Variants in SEC62 observed in about 807,000 individuals in gnomAD.
The protein encoded by SEC62 is SEC62 preprotein translocation factor.
SEC62 carries 10 observed loss-of-function variants against 47.5 expected under a neutral mutation model. The ratio of observed to expected loss-of-function variants is 0.21; its 90% CI spans 0.13 to 0.36. The LOEUF (loss-of-function observed/expected upper bound fraction) is 0.36. SEC62 is among the 10% of genes least tolerant of loss of function. SEC62 has a pLI of 1.00. For synonymous variants in SEC62, 136 were observed against 150.5 expected (o/e 0.90, Z 0.71); for missense variants, 327 against 464.1 (o/e 0.70, Z 2.71).
Position 169,997,504 on chromosome 3 carries a change from C to T in SEC62, c.*4441C>T, listed in dbSNP as rs1715410048. On this transcript the variant is annotated 3_prime_UTR_variant, in exon 8 of 8. Transcript: ENST00000337002. Reference sequence around the variant, plus strand: ...TGTTTGAGATGGAGTCTCACTCTGTCACCCAGGCTGGAGTGCAGTGGCGAA... The same window carrying T: ...TGTTTGAGATGGAGTCTCACTCTGTTACCCAGGCTGGAGTGCAGTGGCGAA... The T allele has an allele frequency of 6.6e-6, 1 of 152,280 alleles. No homozygotes were observed. The highest frequency in any genetic ancestry group is 1.5e-5 in the Non-Finnish European group (1 of 68,214). 9.4% of individuals were successfully genotyped at this position (152,280 alleles called of 1,614,324 possible).
rs1715400455 is a variant in SEC62 at position 169,997,317 on chromosome 3, T to G, written c.*4254T>G. ...TTAGGATTGTCCAAAAGGCCTATGA[T>G]CTCTTCTTAGCATGACAGAAAGAGG... On this transcript the variant is annotated 3_prime_UTR_variant, in exon 8 of 8. Transcript: ENST00000337002. 1.3e-5 allele frequency: 2 copies of G among 152,220 alleles called. No individual in the cohort carries two copies. The allele number at this position is 152,220 out of a possible 1,614,324, so 9.4% of individuals were successfully genotyped here. A position where few individuals can be genotyped will look rare whatever the true frequency, so the allele number is the denominator to read the frequency against.
At chr3:169,980,562 G>C (rs1714947789) in intron 3 of SEC62, among the ~76,000 whole-genome samples, 1 of 152,202 alleles carries the variant, frequency 6.6e-6, no homozygotes, top group Admixed American at 6.5e-5. Context: ...GACAGAAGCA[G>C]ATGATCCTGC....
chr3:169,973,061 T>C (rs1314761402), intron 1 of SEC62, among the ~76,000 whole-genome samples: 1 of 152,220 alleles, frequency 6.6e-6, no homozygotes, highest in East Asian at 1.9e-4. Flanking sequence ...CTATAAACCA[T>C]TTATAGTATT....
At chr3:169,984,393 C>CATTAATGG (rs1715050527) in intron 5 of SEC62, among the ~76,000 whole-genome samples, 1 of 152,098 alleles carries the variant, frequency 6.6e-6, no homozygotes, top group African/African-American at 2.4e-5. Flanking sequence ...GTGTGGTAAG[C>CATTAATGG]ATTAATGGTG....
intron 1 of SEC62, among the ~76,000 whole-genome samples, chr3:169,970,304 T>C (rs1356916993): frequency 6.6e-6 from 1 of 152,242 alleles, no homozygotes; most frequent in African/African-American, 2.4e-5. Flanking sequence ...GTTAAACTAC[T>C]ATTTGCATTT....
At chr3:169,969,717 A>G (rs1472419222) in intron 1 of SEC62, among the ~76,000 whole-genome samples, 1 of 152,196 alleles carries the variant, frequency 6.6e-6, no homozygotes, top group East Asian at 1.9e-4. Flanking sequence ...CTGTCTCACA[A>G]TAGATAAAAA....
At chr3:169,975,460 ATACTT>A (rs1714812011) in intron 1 of SEC62, 143 bp from the exon 2 acceptor site, 1 of 516,816 alleles carries the variant, frequency 1.9e-6, no homozygotes, top group African/African-American at 1.9e-5. Flanking sequence ...TGTCTTTTGA[ATACTT>A]TATTAGGTCG....
In SEC62 at chr3:169,988,320, G is replaced by A; in HGVS notation, c.691G>A (p.Ala231Thr). 4 of 1,613,862 alleles carry A rather than the reference G, an allele frequency of 2.5e-6. No individual in the cohort carries two copies. Among genetic ancestry groups the A allele is most frequent in the Non-Finnish European group, 3.4e-6 (4 of 1,179,832 alleles). Residue 231 changes from alanine to threonine, a missense_variant, in exon 7 of 8, where the codon GCA becomes ACA. Physicochemically the swap from Ala to Thr is moderately conservative, Grantham distance 58. Around this residue, in one of 3 missense-constraint regions of SEC62, gnomAD observed 99 missense variants for 194.0 expected, o/e 0.51. Coordinates refer to ENST00000337002, the MANE Select transcript of SEC62 (RefSeq NM_003262.4). ...AGGTGTTTATTACCTCAGTGTGGGT[G>A]CAGGCTGTTTTGTAGCCAGTATTCT... is the stretch of plus-strand genomic sequence containing the variant. ...RVGVYYLSVG[A>T]GCFVASILLL...
At chr3:169,973,578 G>A (rs762558637) in intron 1 of SEC62, among the ~76,000 whole-genome samples, 2 of 151,428 alleles carry the variant, frequency 1.3e-5, no homozygotes, top group South Asian at 4.2e-4. Context: ...CATGAGAATC[G>A]CTGGAACTCA....
rs1715361312 is a variant in SEC62 at position 169,995,855 on chromosome 3, A to T, written c.*2792A>T. 1 of 152,182 alleles carries T rather than the reference A, an allele frequency of 6.6e-6. No homozygotes were observed. Among genetic ancestry groups the T allele is most frequent in the African/African-American group, 2.4e-5 (1 of 41,454 alleles). The allele number at this position is 152,182 out of a possible 1,614,324, so 9.4% of individuals were successfully genotyped here. A position where few individuals can be genotyped will look rare whatever the true frequency, so the allele number is the denominator to read the frequency against. On this transcript the variant is annotated 3_prime_UTR_variant, in exon 8 of 8. Transcript: ENST00000337002. ...TATTTAATATAATCGATTCATTAAC[A>T]TTGAAGTCATGACCAACAACACTGT...
At chr3:169,974,392 T>C (rs1273626219) in intron 1 of SEC62, among the ~76,000 whole-genome samples, 1 of 152,184 alleles carries the variant, frequency 6.6e-6, no homozygotes, top group Non-Finnish European at 1.5e-5. Context: ...ATACATAAGA[T>C]GTATACAAAG....
intron 6 of SEC62, among the ~76,000 whole-genome samples, chr3:169,986,594 C>T (rs1715113894): frequency 6.6e-6 from 1 of 152,058 alleles, no homozygotes; most frequent in Non-Finnish European, 1.5e-5. Context: ...AGCTCATTTA[C>T]TTATTTAGAA....
chr3:169,969,269 T>C (rs910033825), intron 1 of SEC62: 8 of 454,576 alleles, frequency 1.8e-5, no homozygotes, highest in Non-Finnish European at 3.5e-5. Context: ...GCTAATTTGC[T>C]TTTTCTTTGT....
Position 169,997,587 on chromosome 3 carries a change from C to T in SEC62, c.*4524C>T, listed in dbSNP as rs1253980734. The T allele has an allele frequency of 6.6e-6, 1 of 152,290 alleles. No individual in the cohort carries two copies. The highest frequency in any genetic ancestry group is 1.5e-5 in the Non-Finnish European group (1 of 68,122). 9.4% of individuals were successfully genotyped at this position (152,290 alleles called of 1,614,324 possible). On this transcript the variant is annotated 3_prime_UTR_variant, in exon 8 of 8. Coordinates refer to ENST00000337002, the MANE Select transcript of SEC62 (RefSeq NM_003262.4). ...GTTCAAGTGATCCTCCTGCCTCAGC[C>T]TCCCAAGTAGCTGGGATTACAGGCA...
chr3:169,979,827 C>T (rs1192231917), intron 3 of SEC62, among the ~76,000 whole-genome samples: 2 of 151,988 alleles, frequency 1.3e-5, no homozygotes, highest in African/African-American at 4.8e-5. Flanking sequence ...AATCTCCTGC[C>T]AGCTAAATCT....
At chr3:169,989,723 ATAT>A (rs1046228579) in intron 7 of SEC62, among the ~76,000 whole-genome samples, 1 of 152,020 alleles carries the variant, frequency 6.6e-6, no homozygotes, top group African/African-American at 2.4e-5. Context: ...GCTGTTTAAA[ATAT>A]TGTTTCTTCA....
chr3:169,975,844 G>T (rs1356624600), intron 2 of SEC62, 128 bp downstream of exon 2: 3 of 542,624 alleles, frequency 5.5e-6, no homozygotes, highest in African/African-American at 1.9e-5. Context: ...TATGGCAGTT[G>T]ATTATTCTGT....
intron 2 of SEC62, among the ~76,000 whole-genome samples, chr3:169,976,574 G>C (rs1714844160): frequency 6.6e-6 from 1 of 152,180 alleles, no homozygotes; most frequent in African/African-American, 2.4e-5. Flanking sequence ...AGTAAAACTT[G>C]ATGAGAATTT....
intron 3 of SEC62, among the ~76,000 whole-genome samples, chr3:169,980,628 G>A (rs527770552): frequency 6.6e-6 from 1 of 152,252 alleles, no homozygotes; most frequent in South Asian, 2.1e-4. Context: ...TTCTACTAAA[G>A]TTGCATTGTT....
Sources: gnomAD v4.1 joint callset for allele counts (sites outside exome capture counted in the v4.1 genomes callset) on GRCh38, gnomAD v4.1.1 for gene constraint, gnomAD v4.1.1 regional missense constraint, MANE v1.5 for transcripts, NCBI Gene and HGNC (gene_info 2026-07-23, HGNC 2026-07-21) for gene names.